The following DPYD variants were observed in gnomAD, a reference collection of about 807,000 sequenced individuals.
DPYD encodes dihydropyrimidine dehydrogenase, also known as dihydropyrimidine dehydrogenase [NADP(+)].
A neutral mutation model predicts 116.2 loss-of-function variants in DPYD; 109 were observed. That is an observed-to-expected ratio of 0.94 (90% CI 0.80 to 1.10). DPYD has a LOEUF of 1.10. Ranked by LOEUF, DPYD falls within the 50% of genes least tolerant of loss-of-function variation. DPYD has a pLI of 0.00. For synonymous variants in DPYD, 440 were observed against 432.0 expected (o/e 1.02, Z -0.23); for missense variants, 1,302 against 1,254.5 (o/e 1.04, Z -0.57).
At chr1:97,422,404 TTTACAGAC>T (rs1185325466) in intron 14 of DPYD, among the ~76,000 whole-genome samples, 1 of 152,146 alleles carries the variant, frequency 6.6e-6, no homozygotes, top group Non-Finnish European at 1.5e-5. Flanking sequence ...TAAGGTCACA[TTTACAGAC>T]TTACTCTGAT....
At chr1:97,546,821 TG>T (rs34267012) in intron 12 of DPYD, 57 of 1,612,582 alleles carry the variant, frequency 3.5e-5, no homozygotes, top group Admixed American at 5.0e-5. Context: ...CCATTGAAGT[TG>T]GAAGTTCATG....
intron 4 of DPYD, among the ~76,000 whole-genome samples, chr1:97,734,071 T>G (rs1663786929): frequency 6.6e-6 from 1 of 152,092 alleles, no homozygotes; most frequent in African/African-American, 2.4e-5. Flanking sequence ...ATTTTTCACT[T>G]GGTTTCAAGT....
intron 11 of DPYD, among the ~76,000 whole-genome samples, chr1:97,558,472 TTC>T (rs1222980683): frequency 2.6e-5 from 4 of 152,168 alleles, no homozygotes; most frequent in Admixed American, 6.5e-5. Context: ...GAAAAAGTAT[TTC>T]TACACTGACA....
At chr1:97,301,597 A>C (rs1666867662) in intron 18 of DPYD, among the ~76,000 whole-genome samples, 2 of 152,034 alleles carry the variant, frequency 1.3e-5, no homozygotes, top group South Asian at 4.1e-4. Context: ...AATAAAAAAA[A>C]GTTAAAAACA....
At chr1:97,908,077 A>C (rs1190678084) in intron 1 of DPYD, among the ~76,000 whole-genome samples, 5 of 151,682 alleles carry the variant, frequency 3.3e-5, no homozygotes, top group Non-Finnish European at 5.9e-5. Context: ...ACAAGGCGTC[A>C]CTCTGTTGCC....
At chr1:97,532,237 G>A (rs955924694) in intron 12 of DPYD, among the ~76,000 whole-genome samples, 4 of 152,044 alleles carry the variant, frequency 2.6e-5, no homozygotes, top group African/African-American at 9.6e-5. Flanking sequence ...GAGATTTATA[G>A]GTCATAGAAT....
intron 20 of DPYD, among the ~76,000 whole-genome samples, chr1:97,130,759 T>C (rs1653233822): frequency 2.1e-5 from 1 of 47,246 alleles, no homozygotes; most frequent in Admixed American, 1.8e-4. Context: ...CTCCCTTCCT[T>C]CCTTCCTTCC....
chr1:97,239,444 C>T (rs1044558210), intron 18 of DPYD, among the ~76,000 whole-genome samples: 1 of 151,912 alleles, frequency 6.6e-6, no homozygotes, highest in Non-Finnish European at 1.5e-5. Flanking sequence ...ATCTGTCTAT[C>T]CACAAAATAT....
At chr1:97,904,340 T>A (rs1673503831) in intron 1 of DPYD, among the ~76,000 whole-genome samples, 1 of 151,966 alleles carries the variant, frequency 6.6e-6, no homozygotes, top group Non-Finnish European at 1.5e-5. Context: ...AGTGACAATA[T>A]CTTAATCATA....
chr1:97,647,734 C>G (rs1347927009), intron 8 of DPYD, among the ~76,000 whole-genome samples: 1 of 151,808 alleles, frequency 6.6e-6, no homozygotes, highest in African/African-American at 2.4e-5. Context: ...TCTGAGAAAA[C>G]AGATATATAA....
intron 8 of DPYD, among the ~76,000 whole-genome samples, chr1:97,634,019 T>C (rs1160033960): frequency 1.3e-5 from 2 of 152,126 alleles, no homozygotes; most frequent in African/African-American, 4.8e-5. Flanking sequence ...TAACTCTTCC[T>C]GCATCTTCTG....
chr1:97,251,277 A>G (rs1268820348), intron 18 of DPYD, among the ~76,000 whole-genome samples: 4 of 151,616 alleles, frequency 2.6e-5, no homozygotes, highest in African/African-American at 9.7e-5. Flanking sequence ...GCGCCTCTCC[A>G]GCAACTTGGA....
chr1:97,747,833 T>C (rs1664643414), intron 3 of DPYD, among the ~76,000 whole-genome samples: 1 of 152,186 alleles, frequency 6.6e-6, no homozygotes. Context: ...CTTTACTGGT[T>C]TTAACACATT....
intron 13 of DPYD, among the ~76,000 whole-genome samples, chr1:97,497,790 A>C (rs1302470164): frequency 6.6e-6 from 1 of 151,790 alleles, no homozygotes; most frequent in Non-Finnish European, 1.5e-5. Context: ...AAAAGTTAAA[A>C]ATAGAGTTAC....
chr1:97,265,116 T>A (rs1664147375), intron 18 of DPYD, among the ~76,000 whole-genome samples: 1 of 152,190 alleles, frequency 6.6e-6, no homozygotes, highest in Non-Finnish European at 1.5e-5. Context: ...ACCTTGTTTA[T>A]CAGACTCCTG....
intron 18 of DPYD, among the ~76,000 whole-genome samples, chr1:97,273,218 A>C (rs1457414288): frequency 6.6e-6 from 1 of 152,176 alleles, no homozygotes; most frequent in East Asian, 1.9e-4. Context: ...TCCAGCAAAA[A>C]GATAAATTTT....
chr1:97,084,524 T>C (rs1649378118), intron 21 of DPYD, among the ~76,000 whole-genome samples: 1 of 152,044 alleles, frequency 6.6e-6, no homozygotes, highest in Admixed American at 6.6e-5. Flanking sequence ...ATGGCCAATA[T>C]CTATTATATG....
Position 97,883,937 on chromosome 1 carries a change from A to C in DPYD, c.40-563T>G, listed in dbSNP as rs538664154. The C allele has an allele frequency of 6.9e-6, 3 of 435,680 alleles. No individual in the cohort carries two copies. In the East Asian group the frequency reaches 1.9e-4, roughly 28 times the overall value. 27.0% of individuals were successfully genotyped at this position (435,680 alleles called of 1,614,324 possible). ...ATCCTATATTTGGTTTTCCAAAAAA[A>C]AGTTCAGTATGGGAAAATCCTAATA... On this transcript the variant is annotated intron_variant, in intron 1 of 22. Transcript: ENST00000370192.
chr1:97,276,348 A>G (rs1664925762), intron 18 of DPYD, among the ~76,000 whole-genome samples: 1 of 152,184 alleles, frequency 6.6e-6, no homozygotes, highest in Non-Finnish European at 1.5e-5. Flanking sequence ...AAAAGAAATT[A>G]CCAACAGCTT....
Sources: gnomAD v4.1 joint callset for allele counts (sites outside exome capture counted in the v4.1 genomes callset) on GRCh38, gnomAD v4.1.1 for gene constraint, MANE v1.5 for transcripts, NCBI Gene and HGNC (gene_info 2026-07-23, HGNC 2026-07-21) for gene names.